The following RBFOX1 variants were observed in gnomAD, a reference collection of about 807,000 sequenced individuals.
The protein encoded by RBFOX1 is RNA binding fox-1 homolog 1.
A neutral mutation model predicts 57.7 loss-of-function variants in RBFOX1; 8 were observed. The ratio of observed to expected loss-of-function variants is 0.14; its 90% CI spans 0.08 to 0.25. RBFOX1 has a LOEUF of 0.25. Among genes scored for constraint, RBFOX1 ranks in the 10% least tolerant of loss-of-function variants. RBFOX1 has a pLI of 1.00. For synonymous variants in RBFOX1, 326 were observed against 222.4 expected (o/e 1.47, Z -4.15); for missense variants, 611 against 548.5 (o/e 1.11, Z -1.14).
At chr16:6,548,750 G>A (rs1284762581) in intron 2 of RBFOX1, among the ~76,000 whole-genome samples, 1 of 152,188 alleles carries the variant, frequency 6.6e-6, no homozygotes, top group Middle Eastern at 3.4e-3. Context: ...ACCAGGCATC[G>A]TTAGGTTTCT....
rs926377536 is a variant in RBFOX1 at position 7,478,950 on chromosome 16, C to T, written c.28-39197C>T. On this transcript the variant is annotated intron_variant, in intron 4 of 15. Coordinates refer to ENST00000550418, the MANE Select transcript of RBFOX1 (RefSeq NM_018723.4). ...TACCATCATTTCGTTTGTTCCCGTG[C>T]GGACCGAACACGGTATTAGCCTCTC... Among the ~76,000 whole-genome samples, 21 of 151,884 alleles carry T rather than the reference C, an allele frequency of 1.4e-4. 1 individual carries two copies. In the South Asian group the frequency reaches 1.7e-3, roughly 12 times the overall value.
chr16:6,212,991 T>C (rs1020950895), intron 1 of RBFOX1, among the ~76,000 whole-genome samples: 5 of 152,162 alleles, frequency 3.3e-5, no homozygotes, highest in Non-Finnish European at 7.3e-5. Context: ...AGTATGTTAA[T>C]TTTATATTCA....
Position 6,501,909 on chromosome 16 carries a change from C to A in RBFOX1, c.-63-152694C>A, listed in dbSNP as rs138977895. Reference sequence around the variant, plus strand: ...GTTCATAGATTCATGAAATCCTCAACAGAGATCCTTGCAAGTGCTGAGGAG... The same window carrying A: ...GTTCATAGATTCATGAAATCCTCAAAAGAGATCCTTGCAAGTGCTGAGGAG... On this transcript the variant is annotated intron_variant, in intron 2 of 15. Coordinates refer to ENST00000550418, the MANE Select transcript of RBFOX1 (RefSeq NM_018723.4). Among the ~76,000 whole-genome samples the A allele has an allele frequency of 4.5e-3, 691 of 152,296 alleles. 6 individuals carry two copies. Among genetic ancestry groups the A allele is most frequent in the African/African-American group, 0.016 (666 of 41,546 alleles).
chr16:7,363,073 A>G (rs1411429517), intron 4 of RBFOX1, among the ~76,000 whole-genome samples: 1 of 152,198 alleles, frequency 6.6e-6, no homozygotes, highest in African/African-American at 2.4e-5. Context: ...TGGATCATTG[A>G]GAGCAATGGG....
chr16:7,012,085 G>A (rs2093679909), intron 3 of RBFOX1, among the ~76,000 whole-genome samples: 1 of 152,152 alleles, frequency 6.6e-6, no homozygotes, highest in African/African-American at 2.4e-5. Flanking sequence ...CAGACGTATG[G>A]AGTCACCAAT....
In RBFOX1 at chr16:6,406,428, C is replaced by G. The variant is rs543676594; in HGVS notation, c.-64+89371C>G. On this transcript the variant is annotated intron_variant, in intron 2 of 15. Coordinates refer to ENST00000550418, the MANE Select transcript of RBFOX1 (RefSeq NM_018723.4). Reference sequence around the variant, plus strand: ...ATAAAACTTAGACAAATATGGAAGTCATTAACACTGAAGAGTTCTTTGCTA... The same window carrying G: ...ATAAAACTTAGACAAATATGGAAGTGATTAACACTGAAGAGTTCTTTGCTA... 1.9e-3 allele frequency among the ~76,000 whole-genome samples: 294 copies of G among 152,206 alleles called. 2 individuals carry two copies. Among genetic ancestry groups the G allele is most frequent in the Admixed American group, 0.011 (167 of 15,296 alleles).
chr16:6,536,059 A>G (rs1407903689), intron 2 of RBFOX1, among the ~76,000 whole-genome samples: 1 of 152,184 alleles, frequency 6.6e-6, no homozygotes, highest in Non-Finnish European at 1.5e-5. Flanking sequence ...GGGAATGGAC[A>G]TCTTGTTCAT....
chr16:5,801,304 T>C (rs77015324), intron 3 of RBFOX1, among the ~76,000 whole-genome samples: 6,838 of 140,058 alleles, frequency 0.049, 542 homozygotes, highest in African/African-American at 0.16. Flanking sequence ...TATGCAGATT[T>C]TAAAGTCTCT....
At chr16:6,706,032 T>G (rs868837025) in intron 3 of RBFOX1, among the ~76,000 whole-genome samples, 1 of 152,180 alleles carries the variant, frequency 6.6e-6, no homozygotes, top group African/African-American at 2.4e-5. Flanking sequence ...TATATACATA[T>G]ATAGATAGAT....
intron 2 of RBFOX1, among the ~76,000 whole-genome samples, chr16:6,583,446 C>G (rs139596658): frequency 3.3e-5 from 5 of 152,210 alleles, no homozygotes; most frequent in Non-Finnish European, 7.3e-5. Context: ...TTTGGGGGAG[C>G]ATCTCACACT....
chr16:5,290,610 C>G (rs1157217153), intron 1 of RBFOX1, among the ~76,000 whole-genome samples: 2 of 151,776 alleles, frequency 1.3e-5, no homozygotes, highest in African/African-American at 4.8e-5. Flanking sequence ...AAGGAGAGGC[C>G]TAGGGGGTGG....
chr16:5,622,788 G>A (rs978321893), intron 3 of RBFOX1, among the ~76,000 whole-genome samples: 6 of 152,150 alleles, frequency 3.9e-5, no homozygotes, highest in African/African-American at 1.4e-4. Context: ...CATATCTGGG[G>A]GTTTTGCATC....
chr16:7,107,034 C>A lies in RBFOX1; in HGVS notation c.27+54936C>A, dbSNP rs2063741255. On this transcript the variant is annotated intron_variant, in intron 4 of 15. Transcript: ENST00000550418. ...TAAATGAACAAATGCATAATTGCAG[C>A]CTGTGGTAAGTGCTATGATGTCAGG... 2.7e-5 allele frequency among the ~76,000 whole-genome samples: 4 copies of A among 146,632 alleles called. No homozygotes were observed. The South Asian group carries it at 8.9e-4, about 32-fold the overall frequency.
At chr16:7,157,668 T>C (rs1484896513) in intron 4 of RBFOX1, among the ~76,000 whole-genome samples, 1 of 152,264 alleles carries the variant, frequency 6.6e-6, no homozygotes, top group Non-Finnish European at 1.5e-5. Context: ...TGACAGTATC[T>C]CTACACGCCA....
At chr16:6,256,934 C>A (rs988760833) in intron 1 of RBFOX1, among the ~76,000 whole-genome samples, 1 of 152,054 alleles carries the variant, frequency 6.6e-6, no homozygotes, top group Non-Finnish European at 1.5e-5. Flanking sequence ...TGGAGAAGTC[C>A]TAATAATGTG....
At chr16:7,037,502 A>G (rs2044858171) in intron 3 of RBFOX1, among the ~76,000 whole-genome samples, 1 of 152,114 alleles carries the variant, frequency 6.6e-6, no homozygotes, top group Non-Finnish European at 1.5e-5. Context: ...ATATCTAAGG[A>G]AACAGTGAGG....
chr16:5,500,830 C>G (rs1401482734), intron 2 of RBFOX1, among the ~76,000 whole-genome samples: 1 of 152,230 alleles, frequency 6.6e-6, no homozygotes, highest in Admixed American at 6.5e-5. Flanking sequence ...TCATCCTATA[C>G]TTACGAATTG....
intron 4 of RBFOX1, among the ~76,000 whole-genome samples, chr16:7,179,682 T>A (rs1448405274): frequency 6.6e-6 from 1 of 152,250 alleles, no homozygotes; most frequent in Non-Finnish European, 1.5e-5. Context: ...AGATGCATTG[T>A]CCTTCATTTG....
chr16:5,821,005 A>T (rs2055832463), intron 3 of RBFOX1, among the ~76,000 whole-genome samples: 1 of 152,112 alleles, frequency 6.6e-6, no homozygotes, highest in Non-Finnish European at 1.5e-5. Flanking sequence ...TTTGCTGGCC[A>T]CCAGTCCTCA....
Sources: gnomAD v4.1 joint callset for allele counts (sites outside exome capture counted in the v4.1 genomes callset) on GRCh38, gnomAD v4.1.1 for gene constraint, MANE v1.5 for transcripts, NCBI Gene and HGNC (gene_info 2026-07-23, HGNC 2026-07-21) for gene names.